Variants in DLGAP1 observed in about 807,000 individuals in gnomAD.
DLGAP1 encodes disks large-associated protein 1.
DLGAP1 carries 11 observed loss-of-function variants against 90.8 expected under a neutral mutation model. That is an observed-to-expected ratio of 0.12 (90% CI 0.08 to 0.20). The LOEUF is 0.20. DLGAP1 is among the 10% of genes least tolerant of loss of function. The probability of loss-of-function intolerance (pLI) is 1.00; values close to 1 mark genes in which losing one functional copy is unlikely to be tolerated. For missense variants in DLGAP1, 1,050 were observed against 1,333.8 expected, an observed-to-expected ratio of 0.79 and a Z score of 3.31; for synonymous variants, 558 against 540.7, an observed-to-expected ratio of 1.03 and a Z score of -0.44.
intron 1 of DLGAP1, among the ~76,000 whole-genome samples, chr18:4,217,023 T>C (rs1358484153): frequency 6.6e-6 from 1 of 152,136 alleles, no homozygotes; most frequent in East Asian, 1.9e-4. Flanking sequence ...ATCTCCTGTG[T>C]TCCATATATC....
intron 3 of DLGAP1, among the ~76,000 whole-genome samples, chr18:3,951,243 T>A (rs2072979330): frequency 6.6e-6 from 1 of 152,222 alleles, no homozygotes; most frequent in African/African-American, 2.4e-5. Flanking sequence ...TGGTTCTGCA[T>A]TTTCAGTACT....
intron 7 of DLGAP1, among the ~76,000 whole-genome samples, chr18:3,646,005 TG>T (rs1257025646): frequency 3.3e-5 from 5 of 152,256 alleles, no homozygotes; most frequent in African/African-American, 1.2e-4. Context: ...TATATGAGAC[TG>T]GTATGCCCTA....
chr18:3,835,376 C>T lies in DLGAP1; in HGVS notation c.958-21103G>A, dbSNP rs188209627. ...GAAAATATCCTCCTTTCTGGCCAGG[C>T]GTGGTGGCTCACGCCTGTAATCCCA... is the stretch of plus-strand genomic sequence containing the variant. On this transcript the variant is annotated intron_variant, in intron 4 of 12. Coordinates refer to ENST00000315677, the MANE Select transcript of DLGAP1 (RefSeq NM_004746.4). 3.3e-3 allele frequency among the ~76,000 whole-genome samples: 503 copies of T among 151,942 alleles called. 9 individuals are homozygous for T. Among genetic ancestry groups the T allele is most frequent in the South Asian group, 4.4e-3 (21 of 4,802 alleles).
intron 5 of DLGAP1, among the ~76,000 whole-genome samples, chr18:3,791,391 G>C (rs560463561): frequency 6.6e-6 from 1 of 152,318 alleles, no homozygotes; most frequent in South Asian, 2.1e-4. Context: ...CTACAATGGT[G>C]TCAGAAAGCT....
chr18:3,818,776 A>T (rs1287427695), intron 4 of DLGAP1, among the ~76,000 whole-genome samples: 1 of 151,296 alleles, frequency 6.6e-6, no homozygotes, highest in Non-Finnish European at 1.5e-5. Flanking sequence ...TTGTATTTTT[A>T]GTAGGATTGG....
rs142099150 is a variant in DLGAP1 at position 4,224,586 on chromosome 18, G to A, written c.-266-73299C>T. On this transcript the variant is annotated intron_variant, in intron 1 of 12. Coordinates refer to ENST00000315677, the MANE Select transcript of DLGAP1 (RefSeq NM_004746.4). ...CAATACAACCTGCAGGCCTGTGGTGGTGGCAGACACGGAGGAAGACGCCTC... is the reference window on the plus strand; with the variant it reads ...CAATACAACCTGCAGGCCTGTGGTGATGGCAGACACGGAGGAAGACGCCTC... Among the ~76,000 whole-genome samples, 4 of 152,260 alleles carry A rather than the reference G, an allele frequency of 2.6e-5. No homozygotes were observed. In the East Asian group the frequency reaches 7.8e-4, roughly 30 times the overall value.
At chr18:3,568,651 T>A (rs1333080367) in intron 8 of DLGAP1, among the ~76,000 whole-genome samples, 2 of 152,066 alleles carry the variant, frequency 1.3e-5, no homozygotes, top group African/African-American at 4.8e-5. Context: ...TTGTCTATCT[T>A]TATATATATG....
chr18:4,430,231 A>G (rs2083254816), intron 1 of DLGAP1, among the ~76,000 whole-genome samples: 2 of 152,190 alleles, frequency 1.3e-5, no homozygotes, highest in Admixed American at 1.3e-4. Context: ...GTCTTCTATC[A>G]TAAGTAGACA....
intron 3 of DLGAP1, among the ~76,000 whole-genome samples, chr18:3,882,808 C>A (rs1175148123): frequency 6.6e-6 from 1 of 152,132 alleles, no homozygotes; most frequent in Non-Finnish European, 1.5e-5. Context: ...CTTCTGACAG[C>A]CTGATTTTCT....
intron 5 of DLGAP1, among the ~76,000 whole-genome samples, chr18:3,746,170 A>T (rs1598567597): frequency 2.0e-5 from 3 of 152,278 alleles, no homozygotes; most frequent in East Asian, 1.9e-4. Context: ...ATGGAGTTAG[A>T]CCTTTTTTGC....
chr18:3,982,877 T>TGA (rs2073764520), intron 3 of DLGAP1, among the ~76,000 whole-genome samples: 1 of 152,210 alleles, frequency 6.6e-6, no homozygotes, highest in Admixed American at 6.5e-5. Flanking sequence ...TTAGATATCT[T>TGA]ATGAAATTTG....
rs543033700 is a variant in DLGAP1, at chr18:4,413,795, G to T, written c.-267+41211C>A. Among the ~76,000 whole-genome samples the T allele has an allele frequency of 4.6e-5, 7 of 152,284 alleles. No homozygotes were observed. The East Asian group carries it at 1.3e-3, about 29-fold the overall frequency. ...ATAATGTTCTCTTTCTTATCTGGGG[G>T]TTACTGACATGGATATAAATTCTGA... On this transcript the variant is annotated intron_variant, in intron 1 of 12. Transcript: ENST00000315677.
At chr18:4,297,229 A>G (rs2143173444) in intron 1 of DLGAP1, among the ~76,000 whole-genome samples, 1 of 152,148 alleles carries the variant, frequency 6.6e-6, no homozygotes, top group Non-Finnish European at 1.5e-5. Flanking sequence ...TCAAGGTAAG[A>G]TGCCAAGAAG....
At chr18:3,881,303 A>C (rs1188721324) in intron 3 of DLGAP1, among the ~76,000 whole-genome samples, 2 of 151,840 alleles carry the variant, frequency 1.3e-5, no homozygotes, top group African/African-American at 2.4e-5. Flanking sequence ...TTTTGTATTT[A>C]TGAGGTTTCA....
At chr18:4,392,949 T>A (rs747733385) in intron 1 of DLGAP1, among the ~76,000 whole-genome samples, 7 of 143,182 alleles carry the variant, frequency 4.9e-5, no homozygotes, top group Non-Finnish European at 9.0e-5. Context: ...TCATGCCTTA[T>A]ACGTAATCCA....
At chr18:4,282,619 C>T (rs1272510414) in intron 1 of DLGAP1, among the ~76,000 whole-genome samples, 2 of 152,062 alleles carry the variant, frequency 1.3e-5, no homozygotes, top group East Asian at 3.9e-4. Flanking sequence ...TAATGAAATG[C>T]TTTAGATCTG....
Position 3,561,283 on chromosome 18 carries a change from AC to A in DLGAP1, c.2057+6206del, listed in dbSNP as rs1387963089. Among the ~76,000 whole-genome samples the A allele has an allele frequency of 7.5e-3, 1,106 of 146,798 alleles. 11 individuals are homozygous for A. Among genetic ancestry groups the A allele is most frequent in the South Asian group, 0.02 (95 of 4,672 alleles). ...AAAAAAAACAAAAAAAAAAAAACAAACAAAAAATAGCCAGATGTGGCAGGTG... is the reference window on the plus strand; with the variant it reads ...AAAAAAAACAAAAAAAAAAAAACAAAAAAAAATAGCCAGATGTGGCAGGTG... On this transcript the variant is annotated intron_variant, in intron 9 of 12. Coordinates refer to ENST00000315677, the MANE Select transcript of DLGAP1 (RefSeq NM_004746.4).
intron 5 of DLGAP1, among the ~76,000 whole-genome samples, chr18:3,791,569 GGATT>G (rs2065735926): frequency 1.3e-5 from 2 of 151,980 alleles, no homozygotes; most frequent in Non-Finnish European, 2.9e-5. Context: ...GGAAAGAGAT[GGATT>G]GATAGAAATC....
intron 3 of DLGAP1, among the ~76,000 whole-genome samples, chr18:3,924,283 T>C (rs1265430949): frequency 6.6e-6 from 1 of 152,112 alleles, no homozygotes; most frequent in African/African-American, 2.4e-5. Context: ...TGGAAAACCA[T>C]GGGGAAATAT....
Sources: gnomAD v4.1 joint callset for allele counts (sites outside exome capture counted in the v4.1 genomes callset) on GRCh38, gnomAD v4.1.1 for gene constraint, MANE v1.5 for transcripts, NCBI Gene and HGNC (gene_info 2026-07-23, HGNC 2026-07-21) for gene names.